Variants in CAPN5 observed in about 807,000 individuals in gnomAD.
CAPN5 encodes the protein calpain-5.
A neutral mutation model predicts 73.0 loss-of-function variants in CAPN5; 54 were observed. That is an observed-to-expected ratio of 0.74 (90% CI 0.59 to 0.93). The LOEUF is 0.93. Ranked by LOEUF, CAPN5 falls within the 40% of genes least tolerant of loss-of-function variation. The pLI is 0.00. For missense variants in CAPN5, 785 were observed against 882.9 expected (o/e 0.89, Z 1.41); for synonymous variants, 335 against 356.9 (o/e 0.94, Z 0.69).
rs1361069416 is a variant in CAPN5 at position 77,098,251 on chromosome 11, G to A, written c.297+4438G>A. ...GGCTGACCCCCCCCACCTCCCTCCCGGACGGGGCGTCTGGCCGGGCGGGGG... is the reference window on the plus strand; with the variant it reads ...GGCTGACCCCCCCCACCTCCCTCCCAGACGGGGCGTCTGGCCGGGCGGGGG... On this transcript the variant is annotated intron_variant, in intron 3 of 12. Transcript: ENST00000648180. Among the ~76,000 whole-genome samples the A allele has an allele frequency of 9.9e-5, 9 of 90,856 alleles. 1 individual carries two copies. The highest frequency in any genetic ancestry group is 1.5e-4 in the Non-Finnish European group (7 of 45,322). The allele number at this position is 90,856 out of a possible 152,430, so 59.6% of individuals were successfully genotyped here.
intron 7 of CAPN5, among the ~76,000 whole-genome samples, chr11:77,117,057 G>A (rs941935854): frequency 9.2e-5 from 14 of 152,086 alleles, no homozygotes; most frequent in African/African-American, 2.9e-4. Context: ...GGGCAGCATA[G>A]TGGGACCCCA....
intron 2 of CAPN5, among the ~76,000 whole-genome samples, chr11:77,089,018 C>T (rs1286434751): frequency 6.6e-6 from 1 of 152,172 alleles, no homozygotes; most frequent in African/African-American, 2.4e-5. Context: ...ACTTTGTCCC[C>T]CCTCCCTCCC....
intron 4 of CAPN5, 142 bp from the exon 5 acceptor site, chr11:77,114,100 A>G (rs3781682): frequency 0.22 from 147,784 of 670,288 alleles, 16,873 homozygotes; most frequent in South Asian, 0.32. Context: ...ACTGGGTTCC[A>G]GTGTTGGCTC....
chr11:77,106,414 T>A (rs1324083542), intron 3 of CAPN5, among the ~76,000 whole-genome samples: 4 of 151,702 alleles, frequency 2.6e-5, no homozygotes, highest in African/African-American at 9.7e-5. Flanking sequence ...ATCCCCAGAG[T>A]GCAGGAATGG....
chr11:77,112,621 C>A lies in CAPN5; in HGVS notation c.330C>A (p.Asp110Glu), dbSNP rs1950422986. ...CAGACTGGAAGGAGCAGGAATGGGA[C>A]CCCGAAAAGCCCAACGCCTACGCGG... ...VIPDWKEQEW[D>E]PEKPNAYAGI... The change falls in exon 4 of 13, where the codon GAC becomes GAA. Residue 110 changes from aspartate (D) to glutamate (E), a missense_variant. Asp to Glu is a conservative substitution (Grantham distance 45). Coordinates refer to ENST00000648180, the MANE Select transcript of CAPN5 (RefSeq NM_004055.5). 1 of 1,614,002 alleles carries A rather than the reference C, an allele frequency of 6.2e-7. No individual in the cohort carries two copies. The highest frequency in any genetic ancestry group is 1.3e-5 in the African/African-American group (1 of 74,924).
chr11:77,115,366 C>A lies in CAPN5; in HGVS notation c.700-29C>A, dbSNP rs782679303. On this transcript the variant is annotated intron_variant, in intron 5 of 12. Transcript: ENST00000648180. ...TGGTCTGGGTTCCAGTGTGGCCCTG[C>A]CTCTCTGAGCAACTGTGTCCCTCCA... The A allele has an allele frequency of 1.0e-5, 16 of 1,570,796 alleles. No homozygotes were observed. The Admixed American group carries it at 1.0e-4, about 10-fold the overall frequency.
At chr11:77,090,981 C>T (rs1483041101) in intron 2 of CAPN5, among the ~76,000 whole-genome samples, 1 of 152,180 alleles carries the variant, frequency 6.6e-6, no homozygotes, top group Non-Finnish European at 1.5e-5. Flanking sequence ...TTTCCTAGAC[C>T]TGTGCTCTGC....
chr11:77,106,881 C>T (rs1488150209), intron 3 of CAPN5, among the ~76,000 whole-genome samples: 2 of 152,236 alleles, frequency 1.3e-5, no homozygotes, highest in South Asian at 2.1e-4. Context: ...CTCTGTGGTC[C>T]GAGAGAGCGG....
In CAPN5 at chr11:77,122,470, T is replaced by C. The variant is rs1488454817; in HGVS notation, c.1604-106T>C. On this transcript the variant is annotated intron_variant, in intron 11 of 12. Transcript: ENST00000648180. ...CTGAGGTGGGTCAGGCTCCAGTCTC[T>C]CCATCTGAATAACTGAGCCGGGTGG... The C allele has an allele frequency of 9.1e-6, 9 of 985,978 alleles. No individual in the cohort carries two copies. In the Admixed American group the frequency reaches 1.9e-4, roughly 21 times the overall value. The allele number at this position is 985,978 out of a possible 1,614,324, so 61.1% of individuals were successfully genotyped here. A position where few individuals can be genotyped will look rare whatever the true frequency, so the allele number is the denominator to read the frequency against.
chr11:77,123,004 T>G (rs562533707), intron 12 of CAPN5, among the ~76,000 whole-genome samples: 10 of 152,344 alleles, frequency 6.6e-5, no homozygotes, highest in Admixed American at 3.9e-4. Context: ...CTTTGGGAAC[T>G]ATCCCTCCCA....
chr11:77,121,897 C>A, intron 10 of CAPN5, 37 bp from the exon 11 acceptor site: 2 of 1,224,868 alleles, frequency 1.6e-6, no homozygotes, highest in South Asian at 1.4e-5. Context: ...CCTGGCCCTT[C>A]TCCATCACTC....
chr11:77,112,931 C>T lies in CAPN5; in HGVS notation c.506+134C>T, dbSNP rs974880709. On this transcript the variant is annotated intron_variant, in intron 4 of 12. Coordinates refer to ENST00000648180, the MANE Select transcript of CAPN5 (RefSeq NM_004055.5). ...GGCTGGTGCAGGCACGCAGCAGGCTCAACCGCCAGGCCTGAGGGCATAGTC... is the reference window on the plus strand; with the variant it reads ...GGCTGGTGCAGGCACGCAGCAGGCTTAACCGCCAGGCCTGAGGGCATAGTC... The T allele has an allele frequency of 1.1e-5, 9 of 828,772 alleles. No homozygotes were observed. In the African/African-American group the frequency reaches 1.2e-4, roughly 11 times the overall value. 51.3% of individuals were successfully genotyped at this position (828,772 alleles called of 1,614,324 possible).
chr11:77,120,855 G>A lies in CAPN5; in HGVS notation c.1433G>A (p.Gly478Asp). Reference protein sequence around the residue: ...YVIIPTTFEPGHTGEFLLRVF... With the variant: ...YVIIPTTFEPDHTGEFLLRVF... The stretch of plus-strand genomic sequence containing the variant: ...ATCATCCCCACAACCTTCGAGCCAG[G>A]CCACACTGGCGAGTTCCTGCTCCGA... Residue 478 changes from glycine (G) to aspartate (D), a missense_variant, in exon 10 of 13, where the codon GGC becomes GAC. Physicochemically the swap from Gly to Asp is moderately conservative, Grantham distance 94. Transcript: ENST00000648180. The A allele has an allele frequency of 6.2e-7, 1 of 1,614,128 alleles. No homozygotes were observed. The highest frequency in any genetic ancestry group is 8.5e-7 in the Non-Finnish European group (1 of 1,180,010).
intron 1 of CAPN5, chr11:77,073,015 C>T (rs933561180): frequency 6.2e-6 from 7 of 1,136,578 alleles, no homozygotes; most frequent in East Asian, 5.8e-5. Context: ...GGGGAGTGAG[C>T]GAGCACACAG....
chr11:77,070,110 TC>T (rs1336144668), intron 1 of CAPN5, among the ~76,000 whole-genome samples: 1 of 152,136 alleles, frequency 6.6e-6, no homozygotes, highest in Non-Finnish European at 1.5e-5. Context: ...GGGTTACTGC[TC>T]CCCATTCTGG....
intron 1 of CAPN5, among the ~76,000 whole-genome samples, chr11:77,071,049 G>A (rs1356015595): frequency 2.6e-5 from 4 of 152,276 alleles, no homozygotes; most frequent in Non-Finnish European, 4.4e-5. Flanking sequence ...CTAGGGATTC[G>A]GTTGGGAGTA....
chr11:77,084,917 C>CAG lies in CAPN5; in HGVS notation c.33_34dup (p.Asn12ArgfsTer6). 1 of 1,614,094 alleles carries CAG rather than the reference C, an allele frequency of 6.2e-7. No homozygotes were observed. The highest frequency in any genetic ancestry group is 1.1e-5 in the South Asian group (1 of 91,080). ...CTCGTGTGTGAAGCCCTATGAGGAC[C>CAG]AGAACTACTCAGCCCTGAGGCGGGA... On this transcript the variant is annotated frameshift_variant, in exon 2 of 13. Coordinates refer to ENST00000648180, the MANE Select transcript of CAPN5 (RefSeq NM_004055.5). LOFTEE classifies it high-confidence loss of function.
intron 1 of CAPN5, among the ~76,000 whole-genome samples, chr11:77,081,953 C>A (rs912402274): frequency 1.7e-4 from 26 of 152,232 alleles, no homozygotes; most frequent in African/African-American, 6.3e-4. Context: ...CCTGCACTCA[C>A]CTTTGTTGGT....
Position 77,121,989 on chromosome 11 carries a change from C to A in CAPN5, c.1543C>A (p.Pro515Thr). 5 of 1,564,044 alleles carry A rather than the reference C, an allele frequency of 3.2e-6. No homozygotes were observed. Among genetic ancestry groups the A allele is most frequent in the Non-Finnish European group, 4.3e-6 (5 of 1,153,754 alleles). ...CTGCTGGAGCTCCCTCTGTGGCTACCCCCAGCTGGTGACCCAGGTACATGT... is the reference window on the plus strand; with the variant it reads ...CTGCTGGAGCTCCCTCTGTGGCTACACCCAGCTGGTGACCCAGGTACATGT... ...HTCWSSLCGY[P>T]QLVTQVHVLG... The change falls in exon 11 of 13, where the codon CCC becomes ACC. Residue 515 changes from proline to threonine, a missense_variant. Transcript: ENST00000648180.
Sources: allele counts gnomAD v4.1 joint callset (sites outside exome capture counted in the v4.1 genomes callset), GRCh38; gene constraint gnomAD v4.1.1; transcripts MANE v1.5; gene names NCBI Gene and HGNC (gene_info 2026-07-23, HGNC 2026-07-21).